Variants in SCGB2B2 observed in about 807,000 individuals in gnomAD.
SCGB2B2 encodes secretoglobin family 2B member 2, also known as secretoglobin-like protein.
A neutral mutation model predicts 7.6 loss-of-function variants in SCGB2B2; 11 were observed. The ratio of observed to expected loss-of-function variants is 1.45; its 90% confidence interval spans 0.91 to 2.40. SCGB2B2 has a LOEUF of 2.40. Ranked by LOEUF, SCGB2B2 falls within the 30% of genes most tolerant of loss-of-function variation. SCGB2B2 has a pLI of 0.00. For missense variants in SCGB2B2, 104 were observed against 115.4 expected, an observed-to-expected ratio of 0.90 and a Z score of 0.45; for synonymous variants, 50 against 48.6, an observed-to-expected ratio of 1.03 and a Z score of -0.12.
chr19:34,661,280 T>A (rs1288109936), intron 1 of SCGB2B2, among the ~76,000 whole-genome samples: 1 of 150,366 alleles, frequency 6.7e-6, no homozygotes, highest in African/African-American at 2.5e-5. Context: ...AATAAAAAAA[T>A]AAATAAATAA....
intron 1 of SCGB2B2, among the ~76,000 whole-genome samples, chr19:34,625,933 C>T (rs905282985): frequency 3.9e-5 from 6 of 152,280 alleles, no homozygotes; most frequent in Middle Eastern, 3.4e-3. Context: ...TTCAGAGGAA[C>T]GATCAGGCAG....
chr19:34,639,497 A>G (rs1340426465), intron 1 of SCGB2B2, among the ~76,000 whole-genome samples: 1 of 152,226 alleles, frequency 6.6e-6, no homozygotes, highest in Non-Finnish European at 1.5e-5. Context: ...CTATTCGTGC[A>G]TAGTATCATA....
At chr19:34,670,749 T>G (rs907573115) in intron 1 of SCGB2B2, among the ~76,000 whole-genome samples, 1 of 152,232 alleles carries the variant, frequency 6.6e-6, no homozygotes, top group African/African-American at 2.4e-5. Flanking sequence ...GTTGAATGTG[T>G]TATTTTTTTC....
intron 1 of SCGB2B2, among the ~76,000 whole-genome samples, chr19:34,628,840 C>G (rs929408845): frequency 6.6e-6 from 1 of 151,958 alleles, no homozygotes; most frequent in African/African-American, 2.4e-5. Context: ...AGACCAATAT[C>G]GTTGATGAAC....
chr19:34,664,817 A>C (rs2067566736), intron 1 of SCGB2B2, among the ~76,000 whole-genome samples: 1 of 150,838 alleles, frequency 6.6e-6, no homozygotes, highest in Non-Finnish European at 1.5e-5. Flanking sequence ...TCACCCACCC[A>C]TCACCCCCAC....
chr19:34,648,934 G>T (rs893562408), intron 1 of SCGB2B2, among the ~76,000 whole-genome samples: 1 of 151,896 alleles, frequency 6.6e-6, no homozygotes, highest in Admixed American at 6.6e-5. Context: ...ACGGAGTCTT[G>T]CTTTGTCGCC....
chr19:34,587,826 C>G (rs1046027210), downstream of SCGB2B2, among the ~76,000 whole-genome samples: 3 of 152,166 alleles, frequency 2.0e-5, no homozygotes, highest in African/African-American at 7.2e-5. Flanking sequence ...TGTGATGTGT[C>G]TTATTTGTGG....
rs772154149 is a variant in SCGB2B2 at position 34,594,373 on chromosome 19, G to C, written c.62-14C>G. The stretch of plus-strand genomic sequence containing the variant: ...GGCAGGCATCCCCTGTGGAGGATGA[G>C]GTGAGATAAGAAAACAGAGGAGGTC... On this transcript the variant is annotated splice_polypyrimidine_tract_variant and intron_variant, in intron 2 of 3. Transcript: ENST00000601241. 17 of 1,612,086 alleles carry C rather than the reference G, an allele frequency of 1.1e-5. 1 individual carries two copies. Among genetic ancestry groups the C allele is most frequent in the Admixed American group, 1.7e-5 (1 of 59,986 alleles).
At chr19:34,627,691 T>C (rs1007024553) in intron 1 of SCGB2B2, among the ~76,000 whole-genome samples, 5 of 152,162 alleles carry the variant, frequency 3.3e-5, no homozygotes, top group African/African-American at 9.7e-5. Context: ...AACATCCCAC[T>C]GTCAACATTA....
chr19:34,669,422 G>A (rs888445055), intron 1 of SCGB2B2, among the ~76,000 whole-genome samples: 39 of 152,152 alleles, frequency 2.6e-4, no homozygotes, highest in Admixed American at 6.5e-4. Flanking sequence ...TTGTTGAACC[G>A]GCACTCGGTG....
At chr19:34,668,865 G>A (rs946552646) in intron 1 of SCGB2B2, among the ~76,000 whole-genome samples, 2 of 152,110 alleles carry the variant, frequency 1.3e-5, no homozygotes, top group Non-Finnish European at 2.9e-5. Context: ...CAGACGGCTC[G>A]GCTCTCTGTA....
chr19:34,610,768 G>GTTTTTTTT (rs548680772), intron 1 of SCGB2B2, among the ~76,000 whole-genome samples: 1 of 139,686 alleles, frequency 7.2e-6, no homozygotes, highest in Admixed American at 7.1e-5. Context: ...TTGGCCTATA[G>GTTTTTTTT]TTTTTTTTTT....
Position 34,595,775 on chromosome 19 carries a change from T to C in SCGB2B2, c.-1212A>G, listed in dbSNP as rs1193553205. The C allele has an allele frequency of 1.3e-5, 2 of 152,250 alleles. No homozygotes were observed. Among genetic ancestry groups the C allele is most frequent in the Non-Finnish European group, 2.9e-5 (2 of 68,074 alleles). 9.4% of individuals were successfully genotyped at this position (152,250 alleles called of 1,614,324 possible). A position where few individuals can be genotyped will look rare whatever the true frequency, so the allele number is the denominator to read the frequency against. ...TGATTTTTGTCTCCTGACAGGACCC[T>C]AAATTGTAAGTGTGACCCCAGGGGC... On this transcript the variant is annotated 5_prime_UTR_variant, in exon 2 of 4. Coordinates refer to ENST00000601241, the MANE Select transcript of SCGB2B2 (RefSeq NM_001025591.4).
Position 34,594,205 on chromosome 19 carries a change from C to T in SCGB2B2, c.216G>A (p.Val72=). ...NVQQCFANVS[V]TERFAHSVVI... The stretch of plus-strand genomic sequence containing the variant: ...CAACTGAATGAGCAAATCTTTCTGT[C>T]ACGGAGACATTGGCAAAGCATTGCT... The change falls in exon 3 of 4, where the codon GTG becomes GTA. Residue 72 remains valine (V), a synonymous_variant. Coordinates refer to ENST00000601241, the MANE Select transcript of SCGB2B2 (RefSeq NM_001025591.4). 1 of 1,614,116 alleles carries T rather than the reference C, an allele frequency of 6.2e-7. No individual in the cohort carries two copies. Among genetic ancestry groups the T allele is most frequent in the Admixed American group, 1.7e-5 (1 of 60,020 alleles).
intron 1 of SCGB2B2, among the ~76,000 whole-genome samples, chr19:34,629,129 A>G (rs934798782): frequency 6.6e-6 from 1 of 151,986 alleles, no homozygotes; most frequent in Non-Finnish European, 1.5e-5. Flanking sequence ...TCAAAATAAT[A>G]AGAGCTATTT....
intron 1 of SCGB2B2, among the ~76,000 whole-genome samples, chr19:34,657,227 C>T (rs1038056048): frequency 1.3e-5 from 2 of 151,224 alleles, no homozygotes; most frequent in Non-Finnish European, 1.5e-5. Flanking sequence ...TATAAGAGCA[C>T]CATAGAAATA....
rs1484807992 is a variant in SCGB2B2 at position 34,592,096 on chromosome 19, T to C, written c.*1459A>G. On this transcript the variant is annotated 3_prime_UTR_variant, in exon 4 of 4. Coordinates refer to ENST00000601241, the MANE Select transcript of SCGB2B2 (RefSeq NM_001025591.4). ...GCCAATTCTGGGGACAGAGGGGAGA[T>C]GATGTGTCCTGAGATGGGGGACTGA... is the stretch of plus-strand genomic sequence containing the variant. Among the ~76,000 whole-genome samples the C allele has an allele frequency of 6.6e-6, 1 of 151,780 alleles. No homozygotes were observed. Among genetic ancestry groups the C allele is most frequent in the African/African-American group, 2.4e-5 (1 of 41,302 alleles).
intron 1 of SCGB2B2, among the ~76,000 whole-genome samples, chr19:34,671,067 C>T (rs2067790823): frequency 6.6e-6 from 1 of 152,150 alleles, no homozygotes. Flanking sequence ...GGATTACAGG[C>T]ACCACCCCTG....
chr19:34,674,535 C>T (rs916300727), intron 1 of SCGB2B2, among the ~76,000 whole-genome samples: 1 of 152,126 alleles, frequency 6.6e-6, no homozygotes, highest in Non-Finnish European at 1.5e-5. Context: ...ATTAAAATGT[C>T]CTGGAGAGAT....
Sources: allele counts gnomAD v4.1 joint callset (sites outside exome capture counted in the v4.1 genomes callset), GRCh38; gene constraint gnomAD v4.1.1; transcripts MANE v1.5; gene names NCBI Gene and HGNC (gene_info 2026-07-23, HGNC 2026-07-21).